Variants in TBC1D1 observed in about 807,000 individuals in gnomAD.
TBC1D1 encodes TBC1 (tre-2/USP6, BUB2, cdc16) domain family, member 1.
Under a neutral mutation model 125.6 loss-of-function variants are expected in TBC1D1, and 89 were observed. The observed-to-expected ratio is 0.71, with a 90% CI of 0.60 to 0.85. The LOEUF is 0.85. Among genes scored for constraint, TBC1D1 ranks in the 40% least tolerant of loss-of-function variants. The pLI, the probability that TBC1D1 is intolerant of heterozygous loss-of-function variation, is 0.00. For synonymous variants in TBC1D1, 565 were observed against 564.1 expected, an observed-to-expected ratio of 1.00 and a Z score of -0.02; for missense variants, 1,377 against 1,469.2, an observed-to-expected ratio of 0.94 and a Z score of 1.03.
At chr4:38,080,388 C>T (rs1330250514) in intron 12 of TBC1D1, among the ~76,000 whole-genome samples, 2 of 152,216 alleles carry the variant, frequency 1.3e-5, no homozygotes, top group African/African-American at 2.4e-5. Flanking sequence ...GCACTCTCTG[C>T]TGTTTTTCAC....
intron 12 of TBC1D1, among the ~76,000 whole-genome samples, chr4:38,070,665 T>G (rs537634332): frequency 6.6e-6 from 1 of 152,296 alleles, no homozygotes; most frequent in Non-Finnish European, 1.5e-5. Context: ...TCTACTGAGA[T>G]TATAGTATGT....
In TBC1D1 at chr4:38,138,776, T is replaced by G. The variant is rs1767002846; in HGVS notation, c.*1441T>G. On this transcript the variant is annotated 3_prime_UTR_variant, in exon 20 of 20. Coordinates refer to ENST00000261439, the MANE Select transcript of TBC1D1 (RefSeq NM_015173.4). ...TCCATAGGAGTTTCTTTTGATTCTC[T>G]CAGTTGCGGGGGGCATCTCTTAATC... The G allele has an allele frequency of 8.5e-6, 1 of 117,986 alleles. No homozygotes were observed. The highest frequency in any genetic ancestry group is 1.7e-5 in the Non-Finnish European group (1 of 57,280). 7.3% of individuals were successfully genotyped at this position (117,986 alleles called of 1,614,324 possible).
rs148145415 is a variant in TBC1D1, at chr4:38,041,365, C to G, written c.1414-2997C>G. On this transcript the variant is annotated intron_variant, in intron 8 of 19. Transcript: ENST00000261439. ...AACTTTCCTATACTGATACTGGGAA[C>G]ATGAATTTGTACCATTCAGGGAAGA... is the stretch of plus-strand genomic sequence containing the variant. Among the ~76,000 whole-genome samples, 62 of 152,266 alleles carry G rather than the reference C, an allele frequency of 4.1e-4. No individual in the cohort carries two copies. In the East Asian group the frequency reaches 8.3e-3, roughly 20 times the overall value.
At chr4:38,031,644 G>T (rs1301835812) in intron 7 of TBC1D1, among the ~76,000 whole-genome samples, 3 of 152,032 alleles carry the variant, frequency 2.0e-5, no homozygotes, top group Non-Finnish European at 4.4e-5. Flanking sequence ...AGAGAAAGGG[G>T]CTCACTCTGT....
At position 37,906,238 on chromosome 4, in the gene TBC1D1, C is replaced by G. The variant is rs528663808; in HGVS notation, c.417+3726C>G. ...TTTCGGCTCACTGCAACCTCTGCCT[C>G]CCGGGCTCAAGCGATTCTCCTGCCT... On this transcript the variant is annotated intron_variant, in intron 2 of 19. Transcript: ENST00000261439. Among the ~76,000 whole-genome samples the G allele has an allele frequency of 2.0e-5, 3 of 152,246 alleles. 1 individual carries two copies. The South Asian group carries it at 6.2e-4, about 32-fold the overall frequency.
At chr4:38,012,673 CT>C (rs1346597304) in intron 2 of TBC1D1, among the ~76,000 whole-genome samples, 4 of 152,060 alleles carry the variant, frequency 2.6e-5, no homozygotes, top group Admixed American at 6.5e-5. Flanking sequence ...GTCCTGTCTT[CT>C]TTTTATAATT....
intron 7 of TBC1D1, 150 bp from the exon 8 acceptor site, chr4:38,035,438 C>T (rs1166766872): frequency 8.3e-6 from 5 of 601,942 alleles, no homozygotes; most frequent in Non-Finnish European, 1.4e-5. Context: ...TAAAAATTCT[C>T]TCTACTTTTA....
intron 8 of TBC1D1, among the ~76,000 whole-genome samples, chr4:38,043,995 G>A (rs1276002805): frequency 1.3e-5 from 2 of 152,168 alleles, no homozygotes; most frequent in African/African-American, 2.4e-5. Flanking sequence ...GTTATGATTC[G>A]ATCTTGCCAT....
chr4:37,900,667 A>C (rs1715773662), intron 1 of TBC1D1, among the ~76,000 whole-genome samples: 1 of 152,176 alleles, frequency 6.6e-6, no homozygotes, highest in African/African-American at 2.4e-5. Flanking sequence ...CCAGGGAGCA[A>C]GTGAGTAAAG....
chr4:38,073,619 C>T (rs1255163709), intron 12 of TBC1D1, among the ~76,000 whole-genome samples: 1 of 152,106 alleles, frequency 6.6e-6, no homozygotes, highest in African/African-American at 2.4e-5. Flanking sequence ...TCAGACTGGC[C>T]TGAACTTAAA....
At chr4:38,106,209 C>T (rs1025965411) in intron 15 of TBC1D1, among the ~76,000 whole-genome samples, 2 of 152,180 alleles carry the variant, frequency 1.3e-5, no homozygotes, top group Admixed American at 1.3e-4. Flanking sequence ...TGCACTAGCA[C>T]CGCCATCTCA....
At chr4:38,108,615 C>T (rs935847746) in intron 15 of TBC1D1, among the ~76,000 whole-genome samples, 7 of 152,142 alleles carry the variant, frequency 4.6e-5, no homozygotes, top group Admixed American at 2.0e-4. Flanking sequence ...TGTGCTGCCG[C>T]GAGACGCTAA....
At chr4:38,135,922 ATATGTG>A (rs1478543001) in intron 19 of TBC1D1, among the ~76,000 whole-genome samples, 2 of 76,760 alleles carry the variant, frequency 2.6e-5, no homozygotes, top group Non-Finnish European at 5.3e-5. Context: ...GTGTGTGTGT[ATATGTG>A]TGTGTGTGTG....
In TBC1D1 at chr4:37,921,336, G is replaced by A. The variant is rs559707020; in HGVS notation, c.417+18824G>A. Among the ~76,000 whole-genome samples the A allele has an allele frequency of 2.2e-3, 314 of 144,354 alleles. 4 individuals carry two copies. The highest frequency in any genetic ancestry group is 7.5e-3 in the African/African-American group (294 of 39,138). The allele number at this position is 144,354 out of a possible 152,430, so 94.7% of individuals were successfully genotyped here. A position where few individuals can be genotyped will look rare whatever the true frequency, so the allele number is the denominator to read the frequency against. ...AGGCCATCTGTGACTTCCAACCCAG[G>A]AAAAAAAAACATAAACATATATGTT... On this transcript the variant is annotated intron_variant, in intron 2 of 19. Coordinates refer to ENST00000261439, the MANE Select transcript of TBC1D1 (RefSeq NM_015173.4).
At position 38,125,038 on chromosome 4, in the gene TBC1D1, T is replaced by G; in HGVS notation, c.3039T>G (p.Ile1013Met). 6.2e-7 allele frequency: 1 copy of G among 1,614,136 alleles called. No homozygotes were observed. Among genetic ancestry groups the G allele is most frequent in the Non-Finnish European group, 8.5e-7 (1 of 1,180,014 alleles). ...TGTTGGGAAGCCATAAGCCCTTGAT[T>G]CTGCAGCATGAAAACCTAGAAACCA... is the stretch of plus-strand genomic sequence containing the variant. Residue 1013 changes from isoleucine (I) to methionine (M), a missense_variant, in exon 18 of 20, where the codon ATT (isoleucine) becomes ATG (methionine). Coordinates refer to ENST00000261439, the MANE Select transcript of TBC1D1 (RefSeq NM_015173.4).
At chr4:38,038,807 G>A (rs1233912834) in intron 8 of TBC1D1, among the ~76,000 whole-genome samples, 2 of 152,042 alleles carry the variant, frequency 1.3e-5, no homozygotes, top group African/African-American at 4.8e-5. Context: ...TTAGTCAGGT[G>A]TGGTGGCGGG....
At chr4:38,037,926 A>G (rs752482777) in intron 8 of TBC1D1, among the ~76,000 whole-genome samples, 2 of 152,218 alleles carry the variant, frequency 1.3e-5, no homozygotes, top group African/African-American at 2.4e-5. Context: ...GTCACGTTTT[A>G]GTCAATGGAC....
At chr4:38,120,957 A>T (rs1363649655) in intron 17 of TBC1D1, among the ~76,000 whole-genome samples, 1 of 152,228 alleles carries the variant, frequency 6.6e-6, no homozygotes, top group Non-Finnish European at 1.5e-5. Flanking sequence ...GGAGGAGTAT[A>T]AAAACTAAGG....
At position 38,054,312 on chromosome 4, in the gene TBC1D1, C is replaced by T; in HGVS notation, c.2024C>T (p.Ala675Val). ...CTCCGAGTAGCCACCCCGCAGAAGG[C>T]GTGCGATTCTTCCAGCAGATATGAA... The change falls in exon 12 of 20, where the codon GCG (alanine) becomes GTG (valine). Residue 675 changes from alanine to valine, a missense_variant. By Grantham distance (64) the Ala-to-Val change is moderately conservative (BLOSUM62 0). Coordinates refer to ENST00000261439, the MANE Select transcript of TBC1D1 (RefSeq NM_015173.4). 1 of 1,614,124 alleles carries T rather than the reference C, an allele frequency of 6.2e-7. No individual in the cohort carries two copies. The highest frequency in any genetic ancestry group is 2.2e-5 in the East Asian group (1 of 44,884).
Sources: gnomAD v4.1 joint callset for allele counts (sites outside exome capture counted in the v4.1 genomes callset) on GRCh38, gnomAD v4.1.1 for gene constraint, MANE v1.5 for transcripts, NCBI Gene and HGNC (gene_info 2026-07-23, HGNC 2026-07-21) for gene names.